Variants in USP12 observed in about 807,000 individuals in gnomAD.
USP12 encodes the protein ubiquitin specific peptidase 12.
USP12 carries 19 observed loss-of-function variants against 45.5 expected under a neutral mutation model. The observed-to-expected ratio is 0.42, with a 90% confidence interval of 0.29 to 0.61. The LOEUF is 0.61. Among genes scored for constraint, USP12 ranks in the 20% least tolerant of loss-of-function variants. USP12 has a pLI of 0.22. For synonymous variants in USP12, 149 were observed against 148.8 expected, an observed-to-expected ratio of 1.00 and a Z score of -0.01; for missense variants, 242 against 447.7, an observed-to-expected ratio of 0.54 and a Z score of 4.15.
At chr13:27,076,704 T>A (rs1446043789) in intron 6 of USP12, among the ~76,000 whole-genome samples, 1 of 152,142 alleles carries the variant, frequency 6.6e-6, no homozygotes, top group African/African-American at 2.4e-5. Flanking sequence ...CTCCTCACAA[T>A]TTAAAGAAGT....
chr13:27,070,936 T>C (rs1347201660), intron 8 of USP12, 135 bp downstream of exon 8: 3 of 702,798 alleles, frequency 4.3e-6, no homozygotes, highest in African/African-American at 1.8e-5. Flanking sequence ...AAGTAGGAAT[T>C]AGACTACAAT....
In USP12 at chr13:27,171,644, C is replaced by G; in HGVS notation, c.-5G>C. The stretch of plus-strand genomic sequence containing the variant: ...GACTGTCATTAGGATTTCCATCCGG[C>G]CAGCGCCATCTTCCACCCAATCACA... On this transcript the variant is annotated 5_prime_UTR_variant, in exon 1 of 9. Transcript: ENST00000282344. The G allele has an allele frequency of 2.3e-6, 3 of 1,294,956 alleles. No individual in the cohort carries two copies. The highest frequency in any genetic ancestry group is 3.0e-6 in the Non-Finnish European group (3 of 989,498). 80.2% of individuals were successfully genotyped at this position (1,294,956 alleles called of 1,614,324 possible).
rs1286094402 is a variant in USP12, at chr13:27,090,063, T to C, written c.650+19A>G. The C allele has an allele frequency of 2.5e-6, 4 of 1,579,702 alleles. No individual in the cohort carries two copies. The highest frequency in any genetic ancestry group is 3.5e-6 in the Non-Finnish European group (4 of 1,158,034). On this transcript the variant is annotated intron_variant, in intron 5 of 8. Coordinates refer to ENST00000282344, the MANE Select transcript of USP12 (RefSeq NM_182488.4). ...TAAAAATAATTATTAAATTTCAAAC[T>C]AAATAATTCTACATATACCTTAAGC...
chr13:27,089,984 C>A lies in USP12; in HGVS notation c.651-18G>T. 1 of 1,601,526 alleles carries A rather than the reference C, an allele frequency of 6.2e-7. No individual in the cohort carries two copies. On this transcript the variant is annotated intron_variant, in intron 5 of 8. Coordinates refer to ENST00000282344, the MANE Select transcript of USP12 (RefSeq NM_182488.4). ...TGAAACCCCTGTGTGAAATTCAAAA[C>A]AAATTTATTTTGTAGATACCAGGAA...
chr13:27,152,165 A>G (rs1877597374), intron 1 of USP12, among the ~76,000 whole-genome samples: 1 of 152,244 alleles, frequency 6.6e-6, no homozygotes, highest in Admixed American at 6.5e-5. Context: ...ATATGTCCAT[A>G]AAAAGCTTGC....
chr13:27,170,068 CT>C (rs1878518672), intron 1 of USP12: 1 of 366,228 alleles, frequency 2.7e-6, no homozygotes, highest in African/African-American at 2.1e-5. Flanking sequence ...ATTGGCGTAT[CT>C]AAAAATAATT....
intron 1 of USP12, among the ~76,000 whole-genome samples, chr13:27,121,161 G>A (rs1365578968): frequency 6.6e-6 from 1 of 152,184 alleles, no homozygotes; most frequent in Non-Finnish European, 1.5e-5. Flanking sequence ...CATACCACAA[G>A]AAACAGCAAG....
intron 1 of USP12, among the ~76,000 whole-genome samples, chr13:27,148,741 C>T (rs1877428719): frequency 7.1e-6 from 1 of 140,056 alleles, no homozygotes; most frequent in Non-Finnish European, 1.5e-5. Context: ...AATGGGCTAA[C>T]ATAAAATAGC....
chr13:27,070,576 C>T (rs564672832), intron 8 of USP12, among the ~76,000 whole-genome samples: 26 of 142,914 alleles, frequency 1.8e-4, no homozygotes, highest in Admixed American at 1.7e-3. Flanking sequence ...TTTTTTGAGA[C>T]GGAGTTCACT....
chr13:27,128,325 T>G lies in USP12; in HGVS notation c.49-11729A>C, dbSNP rs143554407. Among the ~76,000 whole-genome samples, 118 of 152,314 alleles carry G rather than the reference T, an allele frequency of 7.7e-4. 1 individual carries two copies. Among genetic ancestry groups the G allele is most frequent in the Non-Finnish European group, 1.0e-4 (7 of 68,034 alleles). Reference sequence around the variant, plus strand: ...GAACCACTCTGTCAAGCCTTCACATTTGGCTTAACAATAACATCAAAAGGA... The same window carrying G: ...GAACCACTCTGTCAAGCCTTCACATGTGGCTTAACAATAACATCAAAAGGA... On this transcript the variant is annotated intron_variant, in intron 1 of 8. Coordinates refer to ENST00000282344, the MANE Select transcript of USP12 (RefSeq NM_182488.4).
At chr13:27,085,709 A>G (rs1169919331) in intron 6 of USP12, among the ~76,000 whole-genome samples, 2 of 152,078 alleles carry the variant, frequency 1.3e-5, no homozygotes, top group African/African-American at 4.8e-5. Context: ...CCAGAAACTT[A>G]TGCATAATTT....
chr13:27,126,280 G>T (rs1876234881), intron 1 of USP12, among the ~76,000 whole-genome samples: 1 of 152,160 alleles, frequency 6.6e-6, no homozygotes, highest in South Asian at 2.1e-4. Context: ...CCAGAGGAAG[G>T]ATCAGGCAGC....
At chr13:27,092,865 T>C (rs1874380726) in intron 4 of USP12, among the ~76,000 whole-genome samples, 1 of 152,178 alleles carries the variant, frequency 6.6e-6, no homozygotes, top group Non-Finnish European at 1.5e-5. Flanking sequence ...AGTTGGACTT[T>C]ATTAAAATTA....
At chr13:27,117,142 T>C (rs1474446522) in intron 1 of USP12, among the ~76,000 whole-genome samples, 1 of 152,228 alleles carries the variant, frequency 6.6e-6, no homozygotes, top group Admixed American at 6.5e-5. Flanking sequence ...TAAAGGCTTT[T>C]GATAATGACT....
At chr13:27,160,672 T>C (rs894543780) in intron 1 of USP12, among the ~76,000 whole-genome samples, 1 of 152,106 alleles carries the variant, frequency 6.6e-6, no homozygotes, top group African/African-American at 2.4e-5. Flanking sequence ...AGCACATCAG[T>C]CTGAAGAAAT....
chr13:27,171,583 G>A lies in USP12; in HGVS notation c.48+9C>T, dbSNP rs757762525. The A allele has an allele frequency of 9.0e-6, 11 of 1,227,052 alleles. No homozygotes were observed. The highest frequency in any genetic ancestry group is 2.5e-5 in the Admixed American group (1 of 40,280). 76.0% of individuals were successfully genotyped at this position (1,227,052 alleles called of 1,614,324 possible). ...CGGCAGCCCCGGCCGCCCGCTCGCC[G>A]CCACCTACCATGGTACAGATGGAGG... On this transcript the variant is annotated intron_variant, in intron 1 of 8. Transcript: ENST00000282344.
intron 2 of USP12, among the ~76,000 whole-genome samples, chr13:27,112,602 A>G (rs1275203627): frequency 6.6e-6 from 1 of 152,138 alleles, no homozygotes; most frequent in Non-Finnish European, 1.5e-5. Context: ...ATAACTTTTA[A>G]AACAACCTTT....
rs1873034535 is a variant in USP12 at position 27,067,153 on chromosome 13, A to G, written c.*2130T>C. ...GTTTTTTTTTAATGCAAAAATGTAA[A>G]AACAAACACAACATAGTATTTCAAT... is the stretch of plus-strand genomic sequence containing the variant. On this transcript the variant is annotated 3_prime_UTR_variant, in exon 9 of 9. Transcript: ENST00000282344. 6.6e-6 allele frequency: 1 copy of G among 152,184 alleles called. No homozygotes were observed. The highest frequency in any genetic ancestry group is 1.5e-5 in the Non-Finnish European group (1 of 68,034). 9.4% of individuals were successfully genotyped at this position (152,184 alleles called of 1,614,324 possible).
At chr13:27,134,728 A>G (rs1159475821) in intron 1 of USP12, among the ~76,000 whole-genome samples, 2 of 152,080 alleles carry the variant, frequency 1.3e-5, no homozygotes, top group East Asian at 3.9e-4. Flanking sequence ...GATAGACGTC[A>G]TAATAGATAA....
Sources: allele counts gnomAD v4.1 joint callset (sites outside exome capture counted in the v4.1 genomes callset), GRCh38; gene constraint gnomAD v4.1.1; transcripts MANE v1.5; gene names NCBI Gene and HGNC (gene_info 2026-07-23, HGNC 2026-07-21).